Variants in FAT4 observed in about 807,000 individuals in gnomAD.
FAT4 encodes protocadherin Fat 4.
Under a neutral mutation model 303.9 loss-of-function variants are expected in FAT4, and 84 were observed. The observed-to-expected ratio is 0.28, with a 90% CI of 0.23 to 0.33. The LOEUF is 0.33. Ranked by LOEUF, FAT4 falls within the 10% of genes least tolerant of loss-of-function variation. The pLI, the probability that FAT4 is intolerant of heterozygous loss-of-function variation, is 1.00. For synonymous variants in FAT4, 2,307 were observed against 2,298.8 expected, an observed-to-expected ratio of 1.00 and a Z score of -0.10; for missense variants, 6,005 against 6,146.8, an observed-to-expected ratio of 0.98 and a Z score of 0.77.
chr4:125,471,895 C>CAAAAAAAAAAAAAAAAAAAAAAAAAAA (rs60730341), intron 12 of FAT4, among the ~76,000 whole-genome samples: 5 of 56,108 alleles, frequency 8.9e-5, no homozygotes, highest in East Asian at 5.1e-4. Flanking sequence ...ACTAAAAATA[C>CAAAAAAAAAAAAAAAAAAAAAAAAAAA]AAAAAAAAAA....
intron 16 of FAT4, among the ~76,000 whole-genome samples, chr4:125,486,143 C>CT (rs532857051): frequency 0.011 from 1,511 of 138,968 alleles, 16 homozygotes; most frequent in African/African-American, 0.032. Context: ...AAGGCTTTTC[C>CT]TTTTTTTTTT....
chr4:125,451,512 C>A lies in FAT4; in HGVS notation c.10502C>A (p.Thr3501Asn), dbSNP rs760651323. ...ACAGGTAGTGCCTCTTTATTAGTCA[C>A]CCTGGAAGATATAAATGATAACGGG... is the stretch of plus-strand genomic sequence containing the variant. ...SATGSASLLVTLEDINDNGPM... is the reference protein window; with the variant it reads ...SATGSASLLVNLEDINDNGPM... The change falls in exon 10 of 18, where the codon ACC (threonine) becomes AAC (asparagine). Residue 3501 changes from threonine to asparagine, a missense_variant. Physicochemically the swap from Thr to Asn is moderately conservative, Grantham distance 65. Transcript: ENST00000394329. The A allele has an allele frequency of 3.7e-6, 6 of 1,614,006 alleles. No individual in the cohort carries two copies. The Admixed American group carries it at 5.0e-5, about 13-fold the overall frequency.
chr4:125,454,789 C>T (rs887241928), intron 10 of FAT4, among the ~76,000 whole-genome samples: 6 of 152,108 alleles, frequency 3.9e-5, no homozygotes, highest in Non-Finnish European at 8.8e-5. Flanking sequence ...GCTGAGGTCG[C>T]GCCATTGCAC....
chr4:125,386,152 G>T (rs1449566881), intron 2 of FAT4, among the ~76,000 whole-genome samples: 1 of 152,128 alleles, frequency 6.6e-6, no homozygotes, highest in Non-Finnish European at 1.5e-5. Context: ...GAACAAACTG[G>T]TTTTTACATC....
At chr4:125,466,643 C>T (rs191041400) in intron 11 of FAT4, among the ~76,000 whole-genome samples, 11 of 149,992 alleles carry the variant, frequency 7.3e-5, no homozygotes, top group Admixed American at 4.7e-4. Flanking sequence ...TAAGATTATA[C>T]TATGTATAAA....
Position 125,483,661 on chromosome 4 carries a change from TA to T in FAT4, c.12822+1930del, listed in dbSNP as rs140754462. Among the ~76,000 whole-genome samples, 24 of 152,092 alleles carry T rather than the reference TA, an allele frequency of 1.6e-4. 1 individual carries two copies. The highest frequency in any genetic ancestry group is 8.3e-4 in the South Asian group (4 of 4,824). On this transcript the variant is annotated intron_variant, in intron 16 of 17. Coordinates refer to ENST00000394329, the MANE Select transcript of FAT4 (RefSeq NM_001291303.3). ...TGAAAGGAAAGTAAGTGCAAATTAA[TA>T]AAAAAATGAATAATACAGACCAAAA...
At position 125,318,917 on chromosome 4, in the gene FAT4, A is replaced by G. The variant is rs1401682521; in HGVS notation, c.2506A>G (p.Lys836Glu). The change falls in exon 2 of 18, where the codon AAA (lysine) becomes GAA (glutamate). Residue 836 changes from lysine to glutamate, a missense_variant. Transcript: ENST00000394329. ...TTATCTCATTACTACTGGGGATCAG[A>G]AAGGTATGTTTGCTATCAACCAGGT... is the stretch of plus-strand genomic sequence containing the variant. ...ISYLITTGDQ[K>E]GMFAINQVTG... is the part of the protein sequence containing the mutation. 3.1e-6 allele frequency: 5 copies of G among 1,614,210 alleles called. No individual in the cohort carries two copies. Among genetic ancestry groups the G allele is most frequent in the Non-Finnish European group, 4.2e-6 (5 of 1,180,034 alleles).
At chr4:125,321,679 T>C (rs552846941) in intron 2 of FAT4, 93 bp downstream of exon 2, 5 of 1,247,274 alleles carry the variant, frequency 4.0e-6, no homozygotes, top group African/African-American at 1.5e-5. Flanking sequence ...TTACCTTCAT[T>C]GTTTATTGTT....
rs752055894 is a variant in FAT4 at position 125,406,961 on chromosome 4, A to G, written c.5389A>G (p.Ile1797Val). 1 of 1,613,874 alleles carries G rather than the reference A, an allele frequency of 6.2e-7. No individual in the cohort carries two copies. Among genetic ancestry groups the G allele is most frequent in the Non-Finnish European group, 8.5e-7 (1 of 1,179,886 alleles). ...CATCGACCCAGAATCCGGAGATCTG[A>G]TAGCAACCAGGCGGTTGGACAGGGA... Reference protein sequence around the residue: ...FRIDPESGDLIATRRLDRERR... With the variant: ...FRIDPESGDLVATRRLDRERR... The change falls in exon 4 of 18, where the codon ATA (isoleucine) becomes GTA (valine). Residue 1797 changes from isoleucine to valine, a missense_variant. By Grantham distance (29) the Ile-to-Val change is conservative. Transcript: ENST00000394329.
At chr4:125,376,163 AT>A (rs1478088072) in intron 2 of FAT4, among the ~76,000 whole-genome samples, 1 of 152,240 alleles carries the variant, frequency 6.6e-6, no homozygotes, top group African/African-American at 2.4e-5. Flanking sequence ...TTGTGTAAGA[AT>A]TATACACCTA....
intron 2 of FAT4, among the ~76,000 whole-genome samples, chr4:125,376,145 TTTG>T (rs1733303965): frequency 6.6e-6 from 1 of 152,242 alleles, no homozygotes; most frequent in African/African-American, 2.4e-5. Context: ...TTTGTATTGG[TTTG>T]TTATTTGTGT....
intron 2 of FAT4, among the ~76,000 whole-genome samples, chr4:125,343,441 C>A (rs1047451719): frequency 6.6e-6 from 1 of 152,124 alleles, no homozygotes; most frequent in African/African-American, 2.4e-5. Context: ...TCTGTTTTGG[C>A]CCCTAAATCA....
intron 9 of FAT4, among the ~76,000 whole-genome samples, chr4:125,447,335 A>G (rs1725859713): frequency 6.6e-6 from 1 of 152,162 alleles, no homozygotes; most frequent in African/African-American, 2.4e-5. Flanking sequence ...TAACAGATAG[A>G]GTTAACAGAT....
At chr4:125,420,612 C>G (rs1179564065) in intron 7 of FAT4, among the ~76,000 whole-genome samples, 3 of 152,102 alleles carry the variant, frequency 2.0e-5, no homozygotes, top group Non-Finnish European at 2.9e-5. Flanking sequence ...AAAGTGACCT[C>G]TCTTTTGAAA....
intron 15 of FAT4, 26 bp from the exon 16 acceptor site, chr4:125,481,495 T>A: frequency 6.2e-7 from 1 of 1,606,616 alleles, no homozygotes; most frequent in Non-Finnish European, 8.5e-7. Context: ...ATGCATTCAT[T>A]TTCCCTTTTT....
chr4:125,455,512 C>T (rs961794175), intron 10 of FAT4, among the ~76,000 whole-genome samples: 1 of 152,132 alleles, frequency 6.6e-6, no homozygotes, highest in Admixed American at 6.5e-5. Flanking sequence ...TTAGTTCTTA[C>T]AACTCTGTAA....
At position 125,339,673 on chromosome 4, in the gene FAT4, G is replaced by A. The variant is rs556140212; in HGVS notation, c.5175+18087G>A. Among the ~76,000 whole-genome samples, 3 of 152,178 alleles carry A rather than the reference G, an allele frequency of 2.0e-5. No individual in the cohort carries two copies. In the East Asian group the frequency reaches 5.8e-4, roughly 29 times the overall value. On this transcript the variant is annotated intron_variant, in intron 2 of 17. Coordinates refer to ENST00000394329, the MANE Select transcript of FAT4 (RefSeq NM_001291303.3). Reference sequence around the variant, plus strand: ...ATAATGCTATGAAATAGTTATCGTTGTTATTACCATTTCACTGATGAGAAA... The same window carrying A: ...ATAATGCTATGAAATAGTTATCGTTATTATTACCATTTCACTGATGAGAAA...
At chr4:125,439,851 C>G (rs938378367) in intron 8 of FAT4, among the ~76,000 whole-genome samples, 1 of 152,074 alleles carries the variant, frequency 6.6e-6, no homozygotes, top group Non-Finnish European at 1.5e-5. Flanking sequence ...TTATTTGCCT[C>G]CCATGGCCTA....
intron 2 of FAT4, among the ~76,000 whole-genome samples, chr4:125,373,152 A>C (rs1486265775): frequency 6.6e-6 from 1 of 152,152 alleles, no homozygotes; most frequent in Non-Finnish European, 1.5e-5. Context: ...TACAAAGTTG[A>C]AATATGTTTT....
Sources: gnomAD v4.1 joint callset for allele counts (sites outside exome capture counted in the v4.1 genomes callset) on GRCh38, gnomAD v4.1.1 for gene constraint, MANE v1.5 for transcripts, NCBI Gene and HGNC (gene_info 2026-07-23, HGNC 2026-07-21) for gene names.